NFIB: variants seen among roughly 807,000 people sequenced by gnomAD.
The protein encoded by NFIB is nuclear factor I B, also known as nuclear factor 1 B-type.
NFIB carries 11 observed loss-of-function variants against 61.5 expected under a neutral mutation model. The ratio of observed to expected loss-of-function variants is 0.18; its 90% CI spans 0.11 to 0.30. The LOEUF (loss-of-function observed/expected upper bound fraction) is 0.30. NFIB is among the 10% of genes least tolerant of loss of function. The probability of loss-of-function intolerance (pLI) is 1.00; values close to 1 mark genes in which losing one functional copy is unlikely to be tolerated. For synonymous variants in NFIB, 260 were observed against 216.5 expected (o/e 1.20, Z -1.76); for missense variants, 471 against 608.9 (o/e 0.77, Z 2.38).
At chr9:14,437,258 A>T in the NFIB span, among the ~76,000 whole-genome samples, 1 of 152,244 alleles carries the variant, frequency 6.6e-6, no homozygotes, top group African/African-American at 2.4e-5. Flanking sequence ...AAAAACACCT[A>T]TTCAAAGCAG....
chr9:14,493,995 T>C, the NFIB span, among the ~76,000 whole-genome samples: 1 of 152,208 alleles, frequency 6.6e-6, no homozygotes, highest in East Asian at 1.9e-4. Context: ...TCCCTGAGCA[T>C]AACTGTGGAA....
intron 3 of NFIB, among the ~76,000 whole-genome samples, chr9:14,160,808 T>C (rs1432064525): frequency 6.9e-6 from 1 of 144,018 alleles, no homozygotes; most frequent in Non-Finnish European, 1.5e-5. Context: ...GATATAAAAA[T>C]TCTTGCTTTG....
chr9:14,529,327 C>T, the NFIB span, among the ~76,000 whole-genome samples: 1 of 152,106 alleles, frequency 6.6e-6, no homozygotes, highest in African/African-American at 2.4e-5. Flanking sequence ...GGTACTTTAA[C>T]ACTGCAGCTT....
At chr9:14,226,057 A>G (rs2052370806) in intron 2 of NFIB, among the ~76,000 whole-genome samples, 1 of 152,108 alleles carries the variant, frequency 6.6e-6, no homozygotes, top group African/African-American at 2.4e-5. Context: ...AGAATAATTA[A>G]TTGGGAAGGT....
rs527838577 is a variant in NFIB, at chr9:14,336,824, A to G, written c.109-29304T>C. On this transcript the variant is annotated intron_variant, in intron 1 of 8. Transcript: ENST00000380934. The stretch of plus-strand genomic sequence containing the variant: ...AGCGCTGCTGAATTTTTCAGTTGAA[A>G]CTGGGCATTTTGTAGCCATAATGCC... Among the ~76,000 whole-genome samples, 3 of 152,070 alleles carry G rather than the reference A, an allele frequency of 2.0e-5. No homozygotes were observed. In the South Asian group the frequency reaches 6.3e-4, roughly 32 times the overall value.
intron 2 of NFIB, among the ~76,000 whole-genome samples, chr9:14,224,570 C>G (rs1323758174): frequency 6.6e-6 from 1 of 152,214 alleles, no homozygotes; most frequent in African/African-American, 2.4e-5. Flanking sequence ...TTGCTGCACA[C>G]TGAGTACTAT....
chr9:14,157,978 G>A (rs531347391), intron 3 of NFIB, among the ~76,000 whole-genome samples: 29 of 151,748 alleles, frequency 1.9e-4, no homozygotes, highest in Non-Finnish European at 4.4e-5. Context: ...GGGCATGGTG[G>A]CGGGCACCTG....
intron 2 of NFIB, among the ~76,000 whole-genome samples, chr9:14,281,839 AC>A (rs1230622781): frequency 6.6e-6 from 1 of 151,110 alleles, no homozygotes; most frequent in African/African-American, 2.5e-5. Context: ...ACACGTGCAC[AC>A]CCCACACGTG....
chr9:14,175,603 T>G (rs1472127281), intron 3 of NFIB, among the ~76,000 whole-genome samples: 1 of 152,180 alleles, frequency 6.6e-6, no homozygotes, highest in Non-Finnish European at 1.5e-5. Flanking sequence ...GTGGCTTACT[T>G]GAGGTACACC....
In NFIB at chr9:14,110,878, A is replaced by G. The variant is rs185687152; in HGVS notation, c.1467+2121T>C. ...TGGAGTTCATTATAAAATAAAGCAT[A>G]TATGGGCTTCTTCAAATTAAAAAGC... On this transcript the variant is annotated intron_variant, in intron 10 of 10. Transcript: ENST00000380953. 8.1e-4 allele frequency among the ~76,000 whole-genome samples: 124 copies of G among 152,276 alleles called. No individual in the cohort carries two copies. In the Middle Eastern group the frequency reaches 0.017, roughly 21 times the overall value.
intron 3 of NFIB, among the ~76,000 whole-genome samples, chr9:14,170,062 T>C (rs2045395381): frequency 6.6e-6 from 1 of 152,164 alleles, no homozygotes; most frequent in African/African-American, 2.4e-5. Context: ...TATAGAATTG[T>C]ACTCTCTTTT....
the NFIB span, among the ~76,000 whole-genome samples, chr9:14,503,967 A>C: frequency 2.0e-5 from 3 of 152,150 alleles, no homozygotes; most frequent in Admixed American, 6.6e-5. Flanking sequence ...CTTAGATTTA[A>C]GTCTTTGATC....
chr9:14,460,252 G>C, the NFIB span, among the ~76,000 whole-genome samples: 20 of 152,012 alleles, frequency 1.3e-4, no homozygotes, highest in Middle Eastern at 3.4e-3. Context: ...ATGATTCTCA[G>C]CAAACTATAG....
chr9:14,193,066 GTACAAAA>G (rs1327162934), intron 2 of NFIB, among the ~76,000 whole-genome samples: 1 of 151,246 alleles, frequency 6.6e-6, no homozygotes, highest in East Asian at 1.9e-4. Context: ...TCAGTACTAA[GTACAAAA>G]TTCTGTATCC....
chr9:14,519,462 C>T, the NFIB span, among the ~76,000 whole-genome samples: 6 of 152,182 alleles, frequency 3.9e-5, no homozygotes, highest in South Asian at 8.3e-4. Context: ...GAGCCTAAAG[C>T]CACTGACTTA....
chr9:14,198,233 A>T (rs1371832195), intron 2 of NFIB, among the ~76,000 whole-genome samples: 2 of 152,204 alleles, frequency 1.3e-5, no homozygotes, highest in Non-Finnish European at 2.9e-5. Flanking sequence ...GCACGTCTCC[A>T]AGGAGCATGA....
chr9:14,515,761 T>G, the NFIB span, among the ~76,000 whole-genome samples: 2 of 152,030 alleles, frequency 1.3e-5, no homozygotes, highest in Non-Finnish European at 2.9e-5. Context: ...GGGTTGGGGG[T>G]GGGGCCTGAG....
intron 2 of NFIB, among the ~76,000 whole-genome samples, chr9:14,185,237 T>C (rs1317270683): frequency 1.3e-5 from 2 of 152,042 alleles, no homozygotes; most frequent in Non-Finnish European, 2.9e-5. Flanking sequence ...CAAAAGAAGG[T>C]GACCTTAGGA....
chr9:14,308,325 A>AAC (rs71321976), intron 1 of NFIB, among the ~76,000 whole-genome samples: 26,063 of 150,842 alleles, frequency 0.17, 3,784 homozygotes, highest in African/African-American at 0.39. Context: ...GCCAGCTCCC[A>AAC]ACACACACAC....
Sources: allele counts gnomAD v4.1 joint callset (sites outside exome capture counted in the v4.1 genomes callset), GRCh38; gene constraint gnomAD v4.1.1; transcripts MANE v1.5; gene names NCBI Gene and HGNC (gene_info 2026-07-23, HGNC 2026-07-21).